Variants in RARB observed in about 807,000 individuals in gnomAD.
The protein encoded by RARB is HBV-activated protein.
In RARB, 17 loss-of-function variants were observed where a neutral mutation model predicts 51.9. That is an observed-to-expected ratio of 0.33 (90% CI 0.22 to 0.49). The LOEUF (loss-of-function observed/expected upper bound fraction) is 0.49. Ranked by LOEUF, RARB falls within the 20% of genes least tolerant of loss-of-function variation. The pLI is 0.99. For synonymous variants in RARB, 215 were observed against 195.4 expected, an observed-to-expected ratio of 1.10 and a Z score of -0.84; for missense variants, 369 against 550.8, an observed-to-expected ratio of 0.67 and a Z score of 3.30.
At chr3:25,459,157 G>C (rs774278028) in intron 1 of RARB, among the ~76,000 whole-genome samples, 9 of 152,186 alleles carry the variant, frequency 5.9e-5, no homozygotes, top group Non-Finnish European at 1.2e-4. Context: ...TAGTGAGACA[G>C]AGTGACCAGG....
At chr3:24,933,937 A>G (rs1443907709) in intron 2 of RARB, among the ~76,000 whole-genome samples, 3 of 152,168 alleles carry the variant, frequency 2.0e-5, no homozygotes, top group Non-Finnish European at 2.9e-5. Flanking sequence ...CAACAAGGTA[A>G]TCAACTGTAT....
At chr3:25,473,367 T>C (rs936851958) in intron 2 of RARB, among the ~76,000 whole-genome samples, 2 of 151,724 alleles carry the variant, frequency 1.3e-5, no homozygotes, top group African/African-American at 4.8e-5. Flanking sequence ...AAAGCTAGCA[T>C]TGTCTGGGGT....
intron 2 of RARB, among the ~76,000 whole-genome samples, chr3:25,477,915 T>A (rs979957328): frequency 1.3e-5 from 2 of 152,200 alleles, no homozygotes; most frequent in Non-Finnish European, 1.5e-5. Flanking sequence ...AGTAACTCAG[T>A]GTCTGGTAGG....
At chr3:25,294,236 A>G (rs1229208438) in intron 5 of RARB, among the ~76,000 whole-genome samples, 1 of 152,212 alleles carries the variant, frequency 6.6e-6, no homozygotes, top group Non-Finnish European at 1.5e-5. Context: ...AATTAAGTTT[A>G]TAAACCTTGG....
chr3:25,455,646 T>C (rs1694868203), intron 1 of RARB, among the ~76,000 whole-genome samples: 1 of 152,184 alleles, frequency 6.6e-6, no homozygotes, highest in Non-Finnish European at 1.5e-5. Context: ...ATGTGCGCAG[T>C]TCAGAGCAGC....
intron 3 of RARB, among the ~76,000 whole-genome samples, chr3:25,088,545 C>G (rs1051931225): frequency 6.6e-6 from 1 of 152,046 alleles, no homozygotes; most frequent in Admixed American, 6.6e-5. Flanking sequence ...TCAAGGGAAC[C>G]GGGCTGGGAA....
intron 2 of RARB, among the ~76,000 whole-genome samples, chr3:25,035,119 G>A (rs1429238729): frequency 6.6e-6 from 1 of 152,084 alleles, no homozygotes; most frequent in African/African-American, 2.4e-5. Context: ...ACTGTTAACT[G>A]CATTTTTTTG....
chr3:25,005,299 T>G (rs1697247272), intron 2 of RARB, among the ~76,000 whole-genome samples: 1 of 152,128 alleles, frequency 6.6e-6, no homozygotes, highest in South Asian at 2.1e-4. Context: ...TCTAAAACAT[T>G]TATCATTTTA....
intron 5 of RARB, among the ~76,000 whole-genome samples, chr3:25,276,809 G>A (rs529157231): frequency 3.8e-4 from 58 of 152,224 alleles, no homozygotes; most frequent in African/African-American, 1.1e-3. Context: ...CAAACCAATC[G>A]CTTCATAAGA....
chr3:25,029,216 G>T (rs987690256), intron 2 of RARB, among the ~76,000 whole-genome samples: 7 of 152,188 alleles, frequency 4.6e-5, no homozygotes, highest in African/African-American at 1.7e-4. Context: ...TCTTGGAAAA[G>T]ACTTCACACT....
chr3:25,408,421 C>T (rs1481170582), intron 5 of RARB, among the ~76,000 whole-genome samples: 2 of 151,958 alleles, frequency 1.3e-5, no homozygotes, highest in Non-Finnish European at 2.9e-5. Context: ...GTGCCACAGA[C>T]TTTTGAACTC....
At chr3:25,382,555 C>G (rs1371367780) in intron 5 of RARB, among the ~76,000 whole-genome samples, 1 of 152,336 alleles carries the variant, frequency 6.6e-6, no homozygotes, top group East Asian at 1.9e-4. Context: ...GTATACCTCT[C>G]TTATGAAATG....
At chr3:25,075,248 T>C (rs891817543) in intron 3 of RARB, among the ~76,000 whole-genome samples, 85 of 152,246 alleles carry the variant, frequency 5.6e-4, no homozygotes, top group African/African-American at 2.0e-3. Context: ...GCTAAGCTTA[T>C]TTTTCCATGC....
At chr3:25,478,966 G>A (rs1007280877) in intron 2 of RARB, among the ~76,000 whole-genome samples, 1 of 152,150 alleles carries the variant, frequency 6.6e-6, no homozygotes, top group African/African-American at 2.4e-5. Context: ...AGCTATTCCT[G>A]TGCATGGTCA....
chr3:25,219,965 G>C (rs1026138760), intron 5 of RARB, among the ~76,000 whole-genome samples: 12 of 152,178 alleles, frequency 7.9e-5, no homozygotes, highest in African/African-American at 2.9e-4. Flanking sequence ...ACTGTGTAGA[G>C]TAAAACACTT....
At chr3:25,334,067 T>G (rs1704986214) in intron 5 of RARB, among the ~76,000 whole-genome samples, 3 of 152,208 alleles carry the variant, frequency 2.0e-5, no homozygotes, top group African/African-American at 4.8e-5. Context: ...GGAACACTTT[T>G]ACACTGTTGG....
intron 2 of RARB, among the ~76,000 whole-genome samples, chr3:24,864,632 CACAG>C (rs1425432267): frequency 6.6e-6 from 1 of 152,148 alleles, no homozygotes; most frequent in African/African-American, 2.4e-5. Context: ...CGTCAAACTC[CACAG>C]ACTATGGCTG....
intron 3 of RARB, among the ~76,000 whole-genome samples, chr3:25,099,717 G>C (rs1157349736): frequency 6.6e-6 from 1 of 151,922 alleles, no homozygotes; most frequent in Non-Finnish European, 1.5e-5. Context: ...GGTCACTGGA[G>C]TCCTTCCCTT....
chr3:25,559,308 T>C (rs1319991040), intron 3 of RARB, among the ~76,000 whole-genome samples: 3 of 152,222 alleles, frequency 2.0e-5, no homozygotes, highest in African/African-American at 4.8e-5. Context: ...AGCATATTCT[T>C]ATAAGGGTAT....
Sources: gnomAD v4.1 joint callset for allele counts (sites outside exome capture counted in the v4.1 genomes callset) on GRCh38, gnomAD v4.1.1 for gene constraint, MANE v1.5 for transcripts, NCBI Gene and HGNC (gene_info 2026-07-23, HGNC 2026-07-21) for gene names.